Variants in CLEC2A observed in about 807,000 individuals in gnomAD.
CLEC2A encodes C-type lectin domain family 2 member A.
A neutral mutation model predicts 18.6 loss-of-function variants in CLEC2A; 19 were observed. The observed-to-expected ratio is 1.02, with a 90% CI of 0.71 to 1.50. The LOEUF (loss-of-function observed/expected upper bound fraction) is 1.50, where lower values mean the gene tolerates loss of function less well. Ranked by LOEUF, CLEC2A falls within the 40% of genes most tolerant of loss-of-function variation. The probability of loss-of-function intolerance (pLI) is 0.00; values close to 1 mark genes in which losing one functional copy is unlikely to be tolerated. For synonymous variants in CLEC2A, 74 were observed against 64.0 expected, an observed-to-expected ratio of 1.16 and a Z score of -0.75; for missense variants, 190 against 207.9, an observed-to-expected ratio of 0.91 and a Z score of 0.53.
intron 3 of CLEC2A, 56 bp from the exon 4 acceptor site, chr12:9,916,859 A>G: frequency 9.8e-7 from 1 of 1,025,486 alleles, no homozygotes; most frequent in Non-Finnish European, 1.5e-6. Context: ...CACATTGCTG[A>G]ACATGCTTCC....
At chr12:9,883,281 T>C in the CLEC2A span, among the ~76,000 whole-genome samples, 37 of 152,178 alleles carry the variant, frequency 2.4e-4, 1 homozygote, top group Admixed American at 1.3e-4. Context: ...ATGAAGCACA[T>C]AAAATAATAC....
chr12:9,920,762 T>G (rs1276317827), intron 3 of CLEC2A, among the ~76,000 whole-genome samples: 1 of 152,234 alleles, frequency 6.6e-6, no homozygotes, highest in African/African-American at 2.4e-5. Flanking sequence ...TCTGTGTCCC[T>G]AGAGTCCACG....
chr12:9,922,349 C>A (rs1863188204), intron 2 of CLEC2A, 117 bp from the exon 3 acceptor site: 1 of 691,786 alleles, frequency 1.4e-6, no homozygotes, highest in Non-Finnish European at 2.2e-6. Flanking sequence ...AAGTTAGCTT[C>A]CCCCCTCCCC....
chr12:9,884,253 A>C, the CLEC2A span, among the ~76,000 whole-genome samples: 1 of 152,068 alleles, frequency 6.6e-6, no homozygotes, highest in Non-Finnish European at 1.5e-5. Context: ...TATTCTTGCC[A>C]ACTCTAATGC....
chr12:9,903,349 A>G (rs1862862778), intron 4 of CLEC2A, among the ~76,000 whole-genome samples: 1 of 152,158 alleles, frequency 6.6e-6, no homozygotes, highest in Non-Finnish European at 1.5e-5. Context: ...AATACAATAT[A>G]ATATCCTACA....
the CLEC2A span, among the ~76,000 whole-genome samples, chr12:9,881,894 G>A: frequency 6.6e-6 from 1 of 152,130 alleles, no homozygotes; most frequent in Non-Finnish European, 1.5e-5. Flanking sequence ...GTGTAATCCT[G>A]TGTGTTGTAG....
At chr12:9,927,882 G>A (rs1368786728) in intron 1 of CLEC2A, among the ~76,000 whole-genome samples, 1 of 151,490 alleles carries the variant, frequency 6.6e-6, no homozygotes, top group Non-Finnish European at 1.5e-5. Flanking sequence ...AAGAAGAAAA[G>A]ATAAAAACCA....
At chr12:9,909,716 G>A (rs548292328), downstream of CLEC2A, among the ~76,000 whole-genome samples, 2 of 152,286 alleles carry the variant, frequency 1.3e-5, no homozygotes, top group South Asian at 4.1e-4. Flanking sequence ...TCTACCTCAC[G>A]TTGGAGTCCT....
chr12:9,930,336 T>C (rs1863354432), intron 1 of CLEC2A, among the ~76,000 whole-genome samples: 1 of 152,202 alleles, frequency 6.6e-6, no homozygotes, highest in Non-Finnish European at 1.5e-5. Context: ...TATATAAAAT[T>C]TTAAGGGAAC....
chr12:9,893,947 G>T (rs1862719945), downstream of CLEC2A, among the ~76,000 whole-genome samples: 1 of 152,102 alleles, frequency 6.6e-6, no homozygotes, highest in Admixed American at 6.5e-5. Context: ...GTCTGGAGTT[G>T]AAATCAGAAA....
chr12:9,917,914 T>C (rs1167185561), intron 3 of CLEC2A, among the ~76,000 whole-genome samples: 1 of 152,132 alleles, frequency 6.6e-6, no homozygotes, highest in East Asian at 1.9e-4. Context: ...TTAAAAAGGG[T>C]CTCTTTATGC....
At chr12:9,912,821 G>GCA (rs1189138395), downstream of CLEC2A, among the ~76,000 whole-genome samples, 402 of 152,288 alleles carry the variant, frequency 2.6e-3, 3 homozygotes, top group African/African-American at 9.1e-3. Flanking sequence ...TGGGCAGACT[G>GCA]GTGGGAGTTT....
chr12:9,932,160 C>A, intron 1 of CLEC2A, 115 bp downstream of exon 1: 1 of 740,756 alleles, frequency 1.3e-6, no homozygotes. Flanking sequence ...GCTTCCCCAT[C>A]CCTCACTTAC....
At chr12:9,929,679 T>C (rs1486561691) in intron 1 of CLEC2A, among the ~76,000 whole-genome samples, 3 of 152,168 alleles carry the variant, frequency 2.0e-5, no homozygotes, top group African/African-American at 7.2e-5. Context: ...GAATTTCTAC[T>C]TCTAATTTCA....
chr12:9,906,382 C>T (rs151266832), intron 4 of CLEC2A, among the ~76,000 whole-genome samples: 14 of 152,308 alleles, frequency 9.2e-5, no homozygotes, highest in Admixed American at 6.5e-4. Context: ...GGTTATTTTT[C>T]TGACTTTCAA....
At chr12:9,923,881 G>A (rs912712565) in intron 2 of CLEC2A, among the ~76,000 whole-genome samples, 3 of 151,724 alleles carry the variant, frequency 2.0e-5, no homozygotes, top group Non-Finnish European at 2.9e-5. Flanking sequence ...TGAACAATGA[G>A]AACACATGGA....
At chr12:9,895,145 C>G (rs568297560), downstream of CLEC2A, among the ~76,000 whole-genome samples, 1 of 152,258 alleles carries the variant, frequency 6.6e-6, no homozygotes, top group Non-Finnish European at 1.5e-5. Flanking sequence ...TTGACTTAAA[C>G]AAAATCTTGG....
At chr12:9,895,557 A>G (rs1862747092), downstream of CLEC2A, 2 of 758,144 alleles carry the variant, frequency 2.6e-6, no homozygotes, top group African/African-American at 3.6e-5. Flanking sequence ...AGCAATGAAA[A>G]TTCCATTCTA....
At chr12:9,904,123 T>C (rs1053652833) in intron 4 of CLEC2A, among the ~76,000 whole-genome samples, 2 of 152,146 alleles carry the variant, frequency 1.3e-5, no homozygotes, top group Admixed American at 6.5e-5. Context: ...CCTTTAGGTC[T>C]CCCAGAAATG....
Sources: allele counts gnomAD v4.1 joint callset (sites outside exome capture counted in the v4.1 genomes callset), GRCh38; gene constraint gnomAD v4.1.1; transcripts MANE v1.5; gene names NCBI Gene and HGNC (gene_info 2026-07-23, HGNC 2026-07-21).